The following MAGI2 variants were observed in gnomAD, a reference collection of about 807,000 sequenced individuals.
MAGI2 encodes membrane associated guanylate kinase, WW and PDZ domain containing 2.
In MAGI2, 35 loss-of-function variants were observed where a neutral mutation model predicts 133.3. That is an observed-to-expected ratio of 0.26 (90% confidence interval 0.20 to 0.35). MAGI2 has a LOEUF of 0.35. MAGI2 is among the 10% of genes least tolerant of loss of function. The probability of loss-of-function intolerance (pLI) is 1.00; values close to 1 mark genes in which losing one functional copy is unlikely to be tolerated. For synonymous variants in MAGI2, 729 were observed against 710.6 expected (o/e 1.03, Z -0.41); for missense variants, 1,636 against 1,863.4 (o/e 0.88, Z 2.25).
intron 2 of MAGI2, among the ~76,000 whole-genome samples, chr7:78,969,293 A>C (rs994536537): frequency 6.6e-6 from 1 of 151,838 alleles, no homozygotes; most frequent in South Asian, 2.1e-4. Flanking sequence ...TAAATCAATC[A>C]CCGCCTCTTC....
chr7:78,832,562 T>A (rs2151445255), intron 2 of MAGI2, among the ~76,000 whole-genome samples: 1 of 152,342 alleles, frequency 6.6e-6, no homozygotes, highest in East Asian at 1.9e-4. Flanking sequence ...CCTGAAAATC[T>A]GGCCCATATG....
intron 6 of MAGI2, among the ~76,000 whole-genome samples, chr7:78,487,609 A>G (rs1793172243): frequency 6.6e-6 from 1 of 152,068 alleles, no homozygotes; most frequent in Non-Finnish European, 1.5e-5. Context: ...CTAGGATGTT[A>G]GCTGAAAACT....
intron 3 of MAGI2, among the ~76,000 whole-genome samples, chr7:78,553,692 G>A (rs1373192684): frequency 1.3e-5 from 2 of 152,170 alleles, no homozygotes; most frequent in East Asian, 3.9e-4. Flanking sequence ...ACAGTTCTGT[G>A]ACACAAGCGT....
chr7:78,994,779 T>C (rs997197937), intron 2 of MAGI2, among the ~76,000 whole-genome samples: 5 of 152,088 alleles, frequency 3.3e-5, no homozygotes, highest in African/African-American at 9.7e-5. Context: ...GACTAAAAAA[T>C]GCAATGACAT....
At chr7:79,079,216 G>A (rs1815815624) in intron 1 of MAGI2, among the ~76,000 whole-genome samples, 1 of 152,052 alleles carries the variant, frequency 6.6e-6, no homozygotes, top group Admixed American at 6.6e-5. Context: ...AATATTATCT[G>A]ATTGTGCATA....
chr7:78,649,232 AAAAGAAAAAAAAAG>A (rs954898530), intron 2 of MAGI2, among the ~76,000 whole-genome samples: 3 of 81,884 alleles, frequency 3.7e-5, no homozygotes, highest in Non-Finnish European at 5.0e-5. Flanking sequence ...TAAAAAAAAA[AAAAGAAAAAAAAAG>A]AAAAAAAGTA....
At chr7:78,543,047 A>C (rs756662753) in intron 3 of MAGI2, among the ~76,000 whole-genome samples, 1 of 152,220 alleles carries the variant, frequency 6.6e-6, no homozygotes, top group Non-Finnish European at 1.5e-5. Context: ...CAAACTGATG[A>C]TCTCATGATT....
intron 3 of MAGI2, among the ~76,000 whole-genome samples, chr7:78,565,650 A>G (rs1054845513): frequency 6.6e-6 from 1 of 152,220 alleles, no homozygotes; most frequent in South Asian, 2.1e-4. Context: ...TGTCATAGAC[A>G]ACACAGCCTT....
At chr7:78,413,683 A>AAAG (rs1245264408) in intron 6 of MAGI2, among the ~76,000 whole-genome samples, 1 of 151,998 alleles carries the variant, frequency 6.6e-6, no homozygotes, top group Admixed American at 6.6e-5. Context: ...GGGAGAAGAA[A>AAAG]AAGAAGATGA....
chr7:79,045,377 C>T (rs533664538), intron 1 of MAGI2, among the ~76,000 whole-genome samples: 31 of 152,236 alleles, frequency 2.0e-4, no homozygotes, highest in African/African-American at 7.0e-4. Flanking sequence ...AATTATAGCT[C>T]AATATAGTTA....
intron 1 of MAGI2, among the ~76,000 whole-genome samples, chr7:79,169,680 AAT>A (rs1200363793): frequency 1.3e-5 from 2 of 152,092 alleles, no homozygotes; most frequent in Non-Finnish European, 2.9e-5. Flanking sequence ...GTTAAAAAAA[AAT>A]GTACATGGGT....
intron 6 of MAGI2, among the ~76,000 whole-genome samples, chr7:78,463,061 GTTATCT>G (rs1194057306): frequency 6.6e-6 from 1 of 152,244 alleles, no homozygotes; most frequent in African/African-American, 2.4e-5. Flanking sequence ...TTATAAAAAT[GTTATCT>G]GGGGCCCACC....
At chr7:79,277,392 A>G (rs1310685677) in intron 1 of MAGI2, among the ~76,000 whole-genome samples, 2 of 152,186 alleles carry the variant, frequency 1.3e-5, no homozygotes, top group East Asian at 3.9e-4. Context: ...CAATGTAAAC[A>G]TAACTTTTAT....
intron 1 of MAGI2, among the ~76,000 whole-genome samples, chr7:79,297,911 C>T (rs1837070466): frequency 6.6e-6 from 1 of 152,146 alleles, no homozygotes; most frequent in Admixed American, 6.5e-5. Flanking sequence ...AACAGATATT[C>T]CCTGCTACAT....
chr7:78,271,335 G>A (rs1220491380), intron 9 of MAGI2, among the ~76,000 whole-genome samples: 1 of 152,138 alleles, frequency 6.6e-6, no homozygotes. Context: ...GCTTTTTGAC[G>A]TGCTGCTGGA....
intron 2 of MAGI2, among the ~76,000 whole-genome samples, chr7:78,999,498 C>G (rs1206670186): frequency 6.6e-6 from 1 of 152,106 alleles, no homozygotes; most frequent in Non-Finnish European, 1.5e-5. Context: ...AGGAAAGATA[C>G]ATTCATTTTG....
At chr7:79,016,001 G>GA (rs1808679570) in intron 1 of MAGI2, among the ~76,000 whole-genome samples, 1 of 103,264 alleles carries the variant, frequency 9.7e-6, no homozygotes, top group Admixed American at 9.4e-5. Context: ...GGAGAAGCGG[G>GA]GGGGGGGGGT....
intron 20 of MAGI2, among the ~76,000 whole-genome samples, chr7:78,106,072 G>C (rs983638292): frequency 9.9e-5 from 15 of 151,850 alleles, no homozygotes; most frequent in Non-Finnish European, 1.8e-4. Context: ...GAGTTCAATT[G>C]TTTTAATTTT....
chr7:78,917,134 A>G (rs868332506), intron 2 of MAGI2, among the ~76,000 whole-genome samples: 9 of 152,112 alleles, frequency 5.9e-5, no homozygotes, highest in African/African-American at 2.2e-4. Context: ...TCAAATATCA[A>G]TGAACTAATA....
Sources: gnomAD v4.1 joint callset for allele counts (sites outside exome capture counted in the v4.1 genomes callset) on GRCh38, gnomAD v4.1.1 for gene constraint, MANE v1.5 for transcripts, NCBI Gene and HGNC (gene_info 2026-07-23, HGNC 2026-07-21) for gene names.